TMEM132D: variants seen among roughly 807,000 people sequenced by gnomAD.
TMEM132D encodes the protein transmembrane protein 132D.
In TMEM132D, 21 loss-of-function variants were observed where a neutral mutation model predicts 62.3. The ratio of observed to expected loss-of-function variants is 0.34; its 90% confidence interval spans 0.24 to 0.49. The LOEUF (loss-of-function observed/expected upper bound fraction) is 0.49. Ranked by LOEUF, TMEM132D falls within the 20% of genes least tolerant of loss-of-function variation. The pLI is 0.99. For synonymous variants in TMEM132D, 621 were observed against 575.6 expected, an observed-to-expected ratio of 1.08 and a Z score of -1.13; for missense variants, 1,346 against 1,402.8, an observed-to-expected ratio of 0.96 and a Z score of 0.65.
At chr12:129,409,816 C>T (rs116909598) in intron 3 of TMEM132D, among the ~76,000 whole-genome samples, 1 of 152,210 alleles carries the variant, frequency 6.6e-6, no homozygotes, top group African/African-American at 2.4e-5. Flanking sequence ...TACCTCTGAT[C>T]TGCATAATCT....
At chr12:129,567,985 A>G (rs115138872) in intron 2 of TMEM132D, among the ~76,000 whole-genome samples, 287 of 152,336 alleles carry the variant, frequency 1.9e-3, no homozygotes, top group African/African-American at 6.6e-3. Context: ...CCATCTGAGT[A>G]GTGAGCAGTT....
intron 5 of TMEM132D, among the ~76,000 whole-genome samples, chr12:129,203,685 A>G (rs1878768354): frequency 6.6e-6 from 1 of 152,212 alleles, no homozygotes; most frequent in African/African-American, 2.4e-5. Context: ...TGCCTCCCAT[A>G]GCCAGACGTG....
At chr12:129,433,527 CA>C (rs1252930605) in intron 3 of TMEM132D, among the ~76,000 whole-genome samples, 2 of 152,104 alleles carry the variant, frequency 1.3e-5, no homozygotes, top group Non-Finnish European at 2.9e-5. Context: ...GACACATGGG[CA>C]AAAAATAACC....
chr12:129,741,106 A>C (rs1869591868), intron 1 of TMEM132D, among the ~76,000 whole-genome samples: 1 of 152,210 alleles, frequency 6.6e-6, no homozygotes, highest in Admixed American at 6.5e-5. Flanking sequence ...GTGGCATGGC[A>C]CAAATTCTTG....
chr12:129,733,530 C>T (rs1223967045), intron 1 of TMEM132D, among the ~76,000 whole-genome samples: 3 of 152,214 alleles, frequency 2.0e-5, no homozygotes, highest in South Asian at 4.1e-4. Context: ...CCCCATCACA[C>T]TCTGCCAAGA....
chr12:129,134,805 C>G (rs540846067), intron 5 of TMEM132D, among the ~76,000 whole-genome samples: 9 of 152,190 alleles, frequency 5.9e-5, no homozygotes, highest in African/African-American at 2.2e-4. Flanking sequence ...GTCTTTACTT[C>G]TCCTTCTTCT....
chr12:129,352,338 C>T (rs1733884289), intron 3 of TMEM132D, among the ~76,000 whole-genome samples: 1 of 152,060 alleles, frequency 6.6e-6, no homozygotes, highest in African/African-American at 2.4e-5. Flanking sequence ...AACACACATC[C>T]CCAAATATAC....
chr12:129,328,826 T>C (rs1277041854), intron 4 of TMEM132D, among the ~76,000 whole-genome samples: 2 of 152,086 alleles, frequency 1.3e-5, no homozygotes, highest in African/African-American at 2.4e-5. Context: ...AGCTCATCCA[T>C]CTGGAATCTA....
At position 129,074,434 on chromosome 12, in the gene TMEM132D, C is replaced by T. The variant is rs1565954609; in HGVS notation, c.2741G>A (p.Ser914Asn). Residue 914 changes from serine (S) to asparagine (N), a missense_variant, in exon 9 of 9, where the codon AGC (serine) becomes AAC (asparagine). Ser to Asn is a conservative substitution (Grantham distance 46). Transcript: ENST00000422113. ...AGCATACATCCCAATTTCTAAGTCG[C>T]TCAGCCCTTTGGATGCCTGCATAAG... ...NDLMQASKGL[S>N]DLEIGMYALL... 5 of 1,614,034 alleles carry T rather than the reference C, an allele frequency of 3.1e-6. No homozygotes were observed. The highest frequency in any genetic ancestry group is 1.3e-5 in the African/African-American group (1 of 74,904).
At chr12:129,637,938 C>G (rs976546296) in intron 2 of TMEM132D, among the ~76,000 whole-genome samples, 19 of 152,216 alleles carry the variant, frequency 1.2e-4, no homozygotes, top group African/African-American at 4.3e-4. Flanking sequence ...GAAAATCCAC[C>G]CCCATGATCC....
At chr12:129,619,127 G>T (rs1331380124) in intron 2 of TMEM132D, among the ~76,000 whole-genome samples, 8 of 152,186 alleles carry the variant, frequency 5.3e-5, no homozygotes, top group Admixed American at 5.2e-4. Context: ...GGTCAGAGTT[G>T]AGGTTAATGC....
chr12:129,559,148 C>T (rs1176444606), intron 2 of TMEM132D, among the ~76,000 whole-genome samples: 1 of 152,154 alleles, frequency 6.6e-6, no homozygotes, highest in East Asian at 1.9e-4. Context: ...TAAGGTTTTA[C>T]AACCCAACAC....
At chr12:129,079,238 T>C (rs1874376618) in intron 7 of TMEM132D, among the ~76,000 whole-genome samples, 1 of 152,202 alleles carries the variant, frequency 6.6e-6, no homozygotes, top group African/African-American at 2.4e-5. Flanking sequence ...ATCCTGCTGG[T>C]CCATCTCAAT....
chr12:129,101,327 C>T lies in TMEM132D; in HGVS notation c.1444-16625G>A, dbSNP rs76789364. Among the ~76,000 whole-genome samples the T allele has an allele frequency of 7.9e-4, 120 of 152,310 alleles. No individual in the cohort carries two copies. In the East Asian group the frequency reaches 0.019, roughly 25 times the overall value. On this transcript the variant is annotated intron_variant, in intron 5 of 8. Transcript: ENST00000422113. ...AGTATAAACGCTCGTGATTTCATGC[C>T]GCCAACCCAAAGTCACTGAATGCAG...
intron 1 of TMEM132D, among the ~76,000 whole-genome samples, chr12:129,837,478 A>G (rs1183224797): frequency 6.6e-6 from 1 of 152,240 alleles, no homozygotes; most frequent in South Asian, 2.1e-4. Flanking sequence ...GGTAAAATAC[A>G]AACAAAAGAC....
At chr12:129,623,708 CATATGCATAT>C (rs1879138416) in intron 2 of TMEM132D, among the ~76,000 whole-genome samples, 1 of 142,556 alleles carries the variant, frequency 7.0e-6, no homozygotes, top group Non-Finnish European at 1.5e-5. Flanking sequence ...TATATACATA[CATATGCATAT>C]ATATACATAC....
At chr12:129,498,921 T>C (rs1245833213) in intron 3 of TMEM132D, among the ~76,000 whole-genome samples, 1 of 152,050 alleles carries the variant, frequency 6.6e-6, no homozygotes, top group African/African-American at 2.4e-5. Context: ...TCATCTCTGC[T>C]CCCTCCAGGG....
At chr12:129,513,980 G>A (rs1019847336) in intron 3 of TMEM132D, among the ~76,000 whole-genome samples, 1 of 151,248 alleles carries the variant, frequency 6.6e-6, no homozygotes, top group Non-Finnish European at 1.5e-5. Flanking sequence ...TGGGACTACA[G>A]GCGCCCGCCA....
intron 1 of TMEM132D, among the ~76,000 whole-genome samples, chr12:129,838,114 C>G (rs1873064318): frequency 6.6e-6 from 1 of 152,214 alleles, no homozygotes; most frequent in Admixed American, 6.5e-5. Context: ...CAGTTGCTCT[C>G]TCCATTACAC....
Sources: allele counts gnomAD v4.1 joint callset (sites outside exome capture counted in the v4.1 genomes callset), GRCh38; gene constraint gnomAD v4.1.1; transcripts MANE v1.5; gene names NCBI Gene and HGNC (gene_info 2026-07-23, HGNC 2026-07-21).